OSBPL5: variants seen among roughly 807,000 people sequenced by gnomAD.
OSBPL5 encodes the protein oxysterol-binding protein-related protein 5.
A neutral mutation model predicts 111.2 loss-of-function variants in OSBPL5; 71 were observed. The ratio of observed to expected loss-of-function variants is 0.64; its 90% CI spans 0.53 to 0.78. OSBPL5 has a LOEUF of 0.78. Ranked by LOEUF, OSBPL5 falls within the 30% of genes least tolerant of loss-of-function variation. The probability of loss-of-function intolerance (pLI) is 0.00; values close to 1 mark genes in which losing one functional copy is unlikely to be tolerated. For synonymous variants in OSBPL5, 549 were observed against 513.9 expected (o/e 1.07, Z -0.93); for missense variants, 1,210 against 1,189.3 (o/e 1.02, Z -0.26).
chr11:3,129,494 C>T (rs1271782253), intron 1 of OSBPL5, among the ~76,000 whole-genome samples: 1 of 152,212 alleles, frequency 6.6e-6, no homozygotes, highest in African/African-American at 2.4e-5. Context: ...TGGCTGCAGC[C>T]AGGCAGACCC....
rs770178627 is a variant in OSBPL5, at chr11:3,107,858, T to A, written c.779A>T (p.Glu260Val). 6.2e-7 allele frequency: 1 copy of A among 1,610,184 alleles called. No individual in the cohort carries two copies. The highest frequency in any genetic ancestry group is 8.5e-7 in the Non-Finnish European group (1 of 1,179,914). The change falls in exon 8 of 22, where the codon GAG becomes GTG. Residue 260 changes from glutamate (E) to valine (V), a missense_variant. By Grantham distance (121) the Glu-to-Val change is moderately radical (BLOSUM62 -2). Transcript: ENST00000263650. The surrounding 1 kb of genome is among the most constrained non-coding windows in gnomAD (Gnocchi z 6.1). ...TGATGCGTCTGGCGAGGTCCCTGGC[T>A]CCCCGTCTCGGCCCGGCTTGCAGGT... Reference protein sequence around the residue: ...LGTCKPGRDGEPGTSPDASPS... With the variant: ...LGTCKPGRDGVPGTSPDASPS...
At position 3,092,898 on chromosome 11, in the gene OSBPL5, T is replaced by A. The variant is rs146057137; in HGVS notation, c.2101A>T (p.Ile701Phe). ...WKPQLFHLDP[I>F]TQEWHYRYED... Reference sequence around the variant, plus strand: ...TATCGGTAGTGCCACTCCTGGGTGATGGGGTCCAGGTGGAACAGCTGCGGC... The same window carrying A: ...TATCGGTAGTGCCACTCCTGGGTGAAGGGGTCCAGGTGGAACAGCTGCGGC... The change falls in exon 18 of 22, where the codon ATC (isoleucine) becomes TTC (phenylalanine). Residue 701 changes from isoleucine (I) to phenylalanine (F), a missense_variant. Ile to Phe is a conservative substitution (Grantham distance 21). Transcript: ENST00000263650. The surrounding 1 kb of genome is among the most constrained non-coding windows in gnomAD (Gnocchi z 5.4). The A allele has an allele frequency of 4.5e-4, 705 of 1,558,914 alleles. 1 individual carries two copies. Among genetic ancestry groups the A allele is most frequent in the Non-Finnish European group, 5.9e-4 (676 of 1,150,834 alleles).
At chr11:3,150,216 A>G (rs1846533215) in intron 1 of OSBPL5, among the ~76,000 whole-genome samples, 1 of 152,066 alleles carries the variant, frequency 6.6e-6, no homozygotes, top group Non-Finnish European at 1.5e-5. Flanking sequence ...CCAGTACAAA[A>G]AGGCAAGTTG....
intron 1 of OSBPL5, among the ~76,000 whole-genome samples, chr11:3,155,676 C>CCCCA: frequency 6.7e-6 from 1 of 150,122 alleles, no homozygotes; most frequent in Non-Finnish European, 1.5e-5. Flanking sequence ...CTGCCACTCA[C>CCCCA]CCCAGCTTTG....
At position 3,161,411 on chromosome 11, in the gene OSBPL5, C is replaced by A. The variant is rs1846962669; in HGVS notation, c.-22+3805G>T. The stretch of plus-strand genomic sequence containing the variant: ...GAGGAAATGAGCTGGTCACGTCCCA[C>A]ACCAGCCGATGCTGGTGAAACCAGG... On this transcript the variant is annotated intron_variant, in intron 1 of 21. Transcript: ENST00000263650. This position sits in a 1 kb window ranked among gnomAD's most constrained non-coding sequence, Gnocchi z 8.0. 5 of 152,362 alleles carry A rather than the reference C, an allele frequency of 3.3e-5. No individual in the cohort carries two copies. The highest frequency in any genetic ancestry group is 4.8e-5 in the African/African-American group (2 of 41,578). 9.4% of individuals were successfully genotyped at this position (152,362 alleles called of 1,614,324 possible).
At chr11:3,143,135 G>C (rs112732788) in intron 1 of OSBPL5, among the ~76,000 whole-genome samples, 1 of 86,762 alleles carries the variant, frequency 1.2e-5, no homozygotes, top group African/African-American at 5.1e-5. Flanking sequence ...AGGTGCAGAG[G>C]GGGGCAGAGG....
chr11:3,128,182 G>C (rs191266317), intron 2 of OSBPL5, among the ~76,000 whole-genome samples: 2 of 152,154 alleles, frequency 1.3e-5, no homozygotes, highest in South Asian at 4.1e-4. Context: ...CACGCCCCTC[G>C]AGCCTGGGTG....
At chr11:3,125,776 G>A (rs1858596549) in intron 3 of OSBPL5, among the ~76,000 whole-genome samples, 1 of 139,438 alleles carries the variant, frequency 7.2e-6, no homozygotes, top group South Asian at 2.2e-4. Context: ...CTGCACTCCA[G>A]CCTGGGTGAC....
At chr11:3,103,825 C>CCAT (rs1857581912) in intron 10 of OSBPL5, among the ~76,000 whole-genome samples, 2 of 57,106 alleles carry the variant, frequency 3.5e-5, no homozygotes, top group African/African-American at 5.1e-5. Flanking sequence ...CCTGCGCAGC[C>CCAT]CCCTTCCAGC....
intron 2 of OSBPL5, among the ~76,000 whole-genome samples, chr11:3,128,620 A>G (rs1017969864): frequency 6.6e-6 from 1 of 152,160 alleles, no homozygotes; most frequent in African/African-American, 2.4e-5. Context: ...CCCATTTTAT[A>G]GATCAGTCAA....
intron 7 of OSBPL5, among the ~76,000 whole-genome samples, chr11:3,119,007 G>A (rs1349712217): frequency 3.5e-5 from 4 of 115,760 alleles, no homozygotes; most frequent in African/African-American, 1.2e-4. Context: ...GGGGTGACAG[G>A]TGGTTTTTTT....
intron 1 of OSBPL5, among the ~76,000 whole-genome samples, chr11:3,143,339 G>A (rs950546771): frequency 1.7e-4 from 26 of 152,216 alleles, no homozygotes; most frequent in Non-Finnish European, 2.5e-4. Flanking sequence ...CACTGTGGGC[G>A]AAAACGCACG....
chr11:3,153,831 A>G (rs889028218), intron 1 of OSBPL5, among the ~76,000 whole-genome samples: 9 of 152,236 alleles, frequency 5.9e-5, no homozygotes, highest in African/African-American at 2.2e-4. Context: ...GGTGTCCACT[A>G]TGGCTGCTCA....
intron 14 of OSBPL5, among the ~76,000 whole-genome samples, chr11:3,096,405 G>C (rs535129274): frequency 2.3e-4 from 35 of 152,276 alleles, no homozygotes. Flanking sequence ...GATCACCTGA[G>C]GGCAGGAGTT....
rs776092129 is a variant in OSBPL5, at chr11:3,093,620, G to T, written c.1853C>A (p.Ala618Glu). The change falls in exon 17 of 22, where the codon GCG becomes GAG. Residue 618 changes from alanine (A) to glutamate (E), a missense_variant. Ala to Glu is a moderately radical substitution (Grantham distance 107, BLOSUM62 -1). Transcript: ENST00000263650. ...CTCCCCGCTCGGGGTCCAGAAAAGC[G>T]CACTGCTTCCGCTCCCTTCCTCCTT... ...FIKEEGSGSSALFWTPSGEVR... is the reference protein window; with the variant it reads ...FIKEEGSGSSELFWTPSGEVR... The T allele has an allele frequency of 6.2e-7, 1 of 1,612,936 alleles. No individual in the cohort carries two copies. The highest frequency in any genetic ancestry group is 1.3e-5 in the African/African-American group (1 of 74,948).
intron 12 of OSBPL5, 50 bp from the exon 13 acceptor site, chr11:3,101,749 C>T (rs2134407160): frequency 6.7e-7 from 1 of 1,496,856 alleles, no homozygotes; most frequent in South Asian, 1.1e-5. Flanking sequence ...CAGGTAATCC[C>T]AGGAAGCGAG....
At chr11:3,100,036 A>ATT in intron 14 of OSBPL5, 122 bp downstream of exon 14, 1 of 808,856 alleles carries the variant, frequency 1.2e-6, no homozygotes. Context: ...AAAAAAAAAA[A>ATT]AGTCATGGGC....
intron 14 of OSBPL5, chr11:3,094,602 G>A: frequency 2.2e-6 from 1 of 459,942 alleles, no homozygotes; most frequent in South Asian, 2.7e-5. Flanking sequence ...GTCCCTCAGG[G>A]GCCGTCTCCC....
chr11:3,111,092 A>G (rs1857907880), intron 7 of OSBPL5, among the ~76,000 whole-genome samples: 1 of 152,132 alleles, frequency 6.6e-6, no homozygotes, highest in South Asian at 2.1e-4. Flanking sequence ...AGCTAACTTT[A>G]TGGCTCAAAC....
Sources: gnomAD v4.1 joint callset for allele counts (sites outside exome capture counted in the v4.1 genomes callset) on GRCh38, gnomAD v4.1.1 for gene constraint, Gnocchi (gnomAD v3.1) non-coding constraint, MANE v1.5 for transcripts, NCBI Gene and HGNC (gene_info 2026-07-23, HGNC 2026-07-21) for gene names.